SLC45A2: variants seen among roughly 807,000 people sequenced by gnomAD.
SLC45A2 encodes the protein solute carrier family 45 member 2.
In SLC45A2, 36 loss-of-function variants were observed where a neutral mutation model predicts 45.5. The ratio of observed to expected loss-of-function variants is 0.79; its 90% CI spans 0.61 to 1.04. SLC45A2 has a LOEUF of 1.04. Among genes scored for constraint, SLC45A2 ranks in the 50% least tolerant of loss-of-function variants. The pLI is 0.00. For missense variants in SLC45A2, 719 were observed against 671.0 expected (o/e 1.07, Z -0.79); for synonymous variants, 306 against 269.3 (o/e 1.14, Z -1.33).
intron 2 of SLC45A2, among the ~76,000 whole-genome samples, chr5:33,970,288 C>A (rs1205177462): frequency 6.6e-6 from 1 of 152,228 alleles, no homozygotes; most frequent in East Asian, 1.9e-4. Context: ...TTACAAAACC[C>A]ATGGTACCAC....
intron 2 of SLC45A2, among the ~76,000 whole-genome samples, chr5:33,970,382 C>T (rs1357915845): frequency 6.6e-6 from 1 of 152,274 alleles, no homozygotes; most frequent in Non-Finnish European, 1.5e-5. Context: ...TCCTAAGCCT[C>T]CTCAGAGCCA....
At chr5:33,958,472 C>T (rs900856185) in intron 3 of SLC45A2, among the ~76,000 whole-genome samples, 1 of 152,082 alleles carries the variant, frequency 6.6e-6, no homozygotes, top group Non-Finnish European at 1.5e-5. Context: ...ATGCATTACT[C>T]TGTGCTATAT....
At position 33,984,315 on chromosome 5, in the gene SLC45A2, G is replaced by T. The variant is rs952902764; in HGVS notation, c.269C>A (p.Ser90Ter). The T allele has an allele frequency of 6.2e-7, 1 of 1,613,984 alleles. No homozygotes were observed. Among genetic ancestry groups the T allele is most frequent in the Non-Finnish European group, 8.5e-7 (1 of 1,180,028 alleles). The change falls in exon 1 of 7, where the codon TCG becomes TAG. Residue 90 changes from serine (S) to a stop codon, truncating the protein, a stop_gained. Coordinates refer to ENST00000296589, the MANE Select transcript of SLC45A2 (RefSeq NM_016180.5). LOFTEE classifies it high-confidence loss of function. ...CCTGGACCGGCAGTGGTCGCTGGCC[G>T]ATCCGACCACGGGCTGCAGCAGGAA... is the stretch of plus-strand genomic sequence containing the variant. ...LGFLLQPVVG[S>*]ASDHCRSRWG... is the part of the protein sequence containing the mutation.
intron 6 of SLC45A2, chr5:33,946,746 T>C (rs1379769876): frequency 2.8e-6 from 3 of 1,076,958 alleles, no homozygotes; most frequent in East Asian, 7.2e-5. Context: ...CCTCTGAAAG[T>C]TGGGGATAGG....
intron 3 of SLC45A2, among the ~76,000 whole-genome samples, chr5:33,958,944 C>T (rs1045880256): frequency 2.0e-5 from 3 of 152,168 alleles, no homozygotes; most frequent in Non-Finnish European, 4.4e-5. Flanking sequence ...GGTAGATAAT[C>T]TATCAGGGTG....
At chr5:33,945,534 G>A (rs1441471242) in intron 6 of SLC45A2, among the ~76,000 whole-genome samples, 1 of 148,110 alleles carries the variant, frequency 6.8e-6, no homozygotes, top group South Asian at 2.2e-4. Flanking sequence ...CTTATGTGCT[G>A]GGCCTGGGTT....
At chr5:33,981,481 T>C (rs1200839650) in intron 2 of SLC45A2, among the ~76,000 whole-genome samples, 1 of 152,214 alleles carries the variant, frequency 6.6e-6, no homozygotes, top group Non-Finnish European at 1.5e-5. Flanking sequence ...AGTCCCCCTC[T>C]TAGATATAAA....
chr5:33,969,044 A>ACTCTCTCTCTCTCTCTCTCTCTCT lies in SLC45A2; in HGVS notation c.563-5029_563-5028insAGAGAGAGAGAGAGAGAGAGAGAG, dbSNP rs11272324. On this transcript the variant is annotated intron_variant, in intron 2 of 6. Transcript: ENST00000296589. Reference sequence around the variant, plus strand: ...TGGACAGTTAACATAAGTACCAGCTACTCTCTCTCTCTCTCTCTCTCTGTG... The same window carrying ACTCTCTCTCTCTCTCTCTCTCTCT: ...TGGACAGTTAACATAAGTACCAGCTACTCTCTCTCTCTCTCTCTCTCTCTCTCTCTCTCTCTCTCTCTCTCTGTG... 1.6e-3 allele frequency among the ~76,000 whole-genome samples: 143 copies of ACTCTCTCTCTCTCTCTCTCTCTCT among 90,314 alleles called. 3 individuals carry two copies. Among genetic ancestry groups the ACTCTCTCTCTCTCTCTCTCTCTCT allele is most frequent in the Middle Eastern group, 6.0e-3 (1 of 166 alleles). 59.2% of individuals were successfully genotyped at this position (90,314 alleles called of 152,430 possible). A position where few individuals can be genotyped will look rare whatever the true frequency, so the allele number is the denominator to read the frequency against.
intron 5 of SLC45A2, 108 bp from the exon 6 acceptor site, chr5:33,947,482 T>A: frequency 9.4e-7 from 1 of 1,068,010 alleles, no homozygotes; most frequent in Non-Finnish European, 1.4e-6. Context: ...CATCCTTTGA[T>A]ACTGAGCCAG....
intron 1 of SLC45A2, among the ~76,000 whole-genome samples, chr5:33,983,069 C>A (rs566613678): frequency 1.3e-5 from 2 of 152,286 alleles, no homozygotes; most frequent in East Asian, 3.9e-4. Context: ...AATTGGTGGG[C>A]CTGAAGGGGG....
chr5:33,961,001 C>T (rs561673743), intron 3 of SLC45A2, among the ~76,000 whole-genome samples: 4 of 152,250 alleles, frequency 2.6e-5, no homozygotes, highest in African/African-American at 9.6e-5. Context: ...AACACATAGG[C>T]ACACTTTTCT....
intron 2 of SLC45A2, among the ~76,000 whole-genome samples, chr5:33,976,008 ATTAAAT>A (rs1439035982): frequency 6.6e-6 from 1 of 152,226 alleles, no homozygotes; most frequent in African/African-American, 2.4e-5. Context: ...CCAAGGAAAC[ATTAAAT>A]TGTTGGCTCT....
intron 2 of SLC45A2, among the ~76,000 whole-genome samples, chr5:33,966,578 C>CT (rs1203403157): frequency 6.6e-6 from 1 of 151,896 alleles, no homozygotes; most frequent in East Asian, 1.9e-4. Context: ...GTAGCTGGGA[C>CT]TACAGGCGCC....
chr5:33,977,520 G>C (rs1028643137), intron 2 of SLC45A2, among the ~76,000 whole-genome samples: 1 of 152,198 alleles, frequency 6.6e-6, no homozygotes, highest in East Asian at 1.9e-4. Context: ...GAGGGCCCTT[G>C]TTCCTAGAAA....
At position 33,969,065 on chromosome 5, in the gene SLC45A2, C is replaced by CTCTGTGTGTGTGTG; in HGVS notation, c.563-5050_563-5049insCACACACACACAGA. Among the ~76,000 whole-genome samples the CTCTGTGTGTGTGTG allele has an allele frequency of 9.6e-3, 981 of 102,472 alleles. 15 individuals carry two copies. The highest frequency in any genetic ancestry group is 0.048 in the East Asian group (190 of 3,974). The allele number at this position is 102,472 out of a possible 152,430, so 67.2% of individuals were successfully genotyped here. On this transcript the variant is annotated intron_variant, in intron 2 of 6. Transcript: ENST00000296589. ...AGCTACTCTCTCTCTCTCTCTCTCT[C>CTCTGTGTGTGTGTG]TGTGTGTGTGTGTGTGTGTGTGTGT...
Position 33,984,393 on chromosome 5 carries a change from C to A in SLC45A2, c.191G>T (p.Gly64Val), listed in dbSNP as rs757331566. Reference protein sequence around the residue: ...AYVTPVLLSVGLPSSLYSIVW... With the variant: ...AYVTPVLLSVVLPSSLYSIVW... ...AATGCTGTACAGGCTGCTGGGCAGACCTACGCTGAGCAGGACTGGGGTCAC... is the reference window on the plus strand; with the variant it reads ...AATGCTGTACAGGCTGCTGGGCAGAACTACGCTGAGCAGGACTGGGGTCAC... The change falls in exon 1 of 7, where the codon GGT becomes GTT. Residue 64 changes from glycine (G) to valine (V), a missense_variant. Physicochemically the swap from Gly to Val is moderately radical, Grantham distance 109. Transcript: ENST00000296589. 1.2e-6 allele frequency: 2 copies of A among 1,613,560 alleles called. No individual in the cohort carries two copies. Among genetic ancestry groups the A allele is most frequent in the Non-Finnish European group, 8.5e-7 (1 of 1,179,736 alleles).
intron 3 of SLC45A2, among the ~76,000 whole-genome samples, chr5:33,956,472 C>T (rs1221727716): frequency 6.6e-6 from 1 of 151,884 alleles, no homozygotes; most frequent in Non-Finnish European, 1.5e-5. Context: ...TGGGGATGCT[C>T]AGGCATTTTG....
rs1053910513 is a variant in SLC45A2 at position 33,982,315 on chromosome 5, C to T, written c.483G>A (p.Gly161=). ...LFDFAADFID[G]PIKAYLFDVC... ...CATCAAATAAGTAGGCTTTGATGGG[C>T]CCATCAATGAAGTCGGCAGCAAAAT... The change falls in exon 2 of 7, where the codon GGG becomes GGA. Residue 161 remains glycine, a synonymous_variant. Transcript: ENST00000296589. 1.2e-6 allele frequency: 2 copies of T among 1,614,096 alleles called. No homozygotes were observed. Among genetic ancestry groups the T allele is most frequent in the African/African-American group, 1.3e-5 (1 of 74,988 alleles).
chr5:33,970,943 GA>G (rs2111983520), intron 2 of SLC45A2: 1 of 444,250 alleles, frequency 2.3e-6, no homozygotes, highest in East Asian at 6.6e-5. Flanking sequence ...CCATCTTAAG[GA>G]GCTAAGGGAA....
Sources: allele counts gnomAD v4.1 joint callset (sites outside exome capture counted in the v4.1 genomes callset), GRCh38; gene constraint gnomAD v4.1.1; transcripts MANE v1.5; gene names NCBI Gene and HGNC (gene_info 2026-07-23, HGNC 2026-07-21).